Variants in GPC5 observed in about 807,000 individuals in gnomAD.
GPC5 encodes glypican 5, also known as glypican-5.
In GPC5, 47 loss-of-function variants were observed where a neutral mutation model predicts 53.9. The ratio of observed to expected loss-of-function variants is 0.87; its 90% CI spans 0.69 to 1.11. GPC5 has a LOEUF of 1.11. Ranked by LOEUF, GPC5 falls within the 50% of genes most tolerant of loss-of-function variation. The probability of loss-of-function intolerance (pLI) is 0.00; values close to 1 mark genes in which losing one functional copy is unlikely to be tolerated. For synonymous variants in GPC5, 286 were observed against 263.3 expected (o/e 1.09, Z -0.84); for missense variants, 748 against 713.1 (o/e 1.05, Z -0.56).
chr13:92,069,420 G>A (rs1160925602), intron 6 of GPC5, among the ~76,000 whole-genome samples: 1 of 151,414 alleles, frequency 6.6e-6, no homozygotes, highest in Non-Finnish European at 1.5e-5. Flanking sequence ...GTGTGTGTGT[G>A]TGTGTGTGTG....
chr13:92,257,546 ATT>A (rs398023955), intron 7 of GPC5, among the ~76,000 whole-genome samples: 12 of 72,936 alleles, frequency 1.6e-4, no homozygotes, highest in Admixed American at 9.4e-4. Context: ...TAATACAGGG[ATT>A]TTTTTTTTTT....
At position 92,544,168 on chromosome 13, in the gene GPC5, G is replaced by C. The variant is rs1877225301; in HGVS notation, c.1562-322114G>C. Among the ~76,000 whole-genome samples the C allele has an allele frequency of 3.3e-5, 5 of 152,108 alleles. 1 individual carries two copies. The South Asian group carries it at 1.0e-3, about 32-fold the overall frequency. On this transcript the variant is annotated intron_variant, in intron 7 of 7. Coordinates refer to ENST00000377067, the MANE Select transcript of GPC5 (RefSeq NM_004466.6). ...TAACCTCAGTTTTCCATGATGTTGG[G>C]TTCACTTGTAGACTTGCTTAGTATT...
intron 2 of GPC5, among the ~76,000 whole-genome samples, chr13:91,564,218 T>C (rs1566508411): frequency 6.6e-6 from 1 of 152,178 alleles, no homozygotes; most frequent in African/African-American, 2.4e-5. Context: ...GATTTCTTCT[T>C]TTAGGAGAAG....
At chr13:91,835,080 G>T (rs1566294094) in intron 5 of GPC5, among the ~76,000 whole-genome samples, 1 of 152,120 alleles carries the variant, frequency 6.6e-6, no homozygotes, top group Admixed American at 6.6e-5. Context: ...GTGGGTGAAG[G>T]ATATGAACAG....
intron 7 of GPC5, among the ~76,000 whole-genome samples, chr13:92,719,250 T>A (rs1888434119): frequency 6.6e-6 from 1 of 151,478 alleles, no homozygotes; most frequent in Non-Finnish European, 1.5e-5. Flanking sequence ...ATATCTTACA[T>A]CTAGCTTTTA....
intron 7 of GPC5, chr13:92,241,249 A>ACAT (rs1459963917): frequency 6.6e-6 from 1 of 152,192 alleles, no homozygotes; most frequent in Non-Finnish European, 1.5e-5. Context: ...GTAGTTGAAG[A>ACAT]CATAGGCTTT....
intron 6 of GPC5, among the ~76,000 whole-genome samples, chr13:92,034,509 T>C (rs1177933753): frequency 6.6e-6 from 1 of 151,582 alleles, no homozygotes; most frequent in Non-Finnish European, 1.5e-5. Context: ...AAAATAAAAT[T>C]TAAAAAAAGG....
chr13:91,873,182 C>T (rs1234069166), intron 5 of GPC5, among the ~76,000 whole-genome samples: 1 of 152,062 alleles, frequency 6.6e-6, no homozygotes, highest in Admixed American at 6.5e-5. Flanking sequence ...AACATGTCTT[C>T]CAATCTAATC....
intron 7 of GPC5, among the ~76,000 whole-genome samples, chr13:92,236,366 C>A (rs1247984778): frequency 6.6e-6 from 1 of 152,004 alleles, no homozygotes; most frequent in Non-Finnish European, 1.5e-5. Context: ...CATATCATAG[C>A]AAATGATGTA....
intron 6 of GPC5, among the ~76,000 whole-genome samples, chr13:91,947,058 C>T (rs751876948): frequency 6.6e-6 from 1 of 152,104 alleles, no homozygotes; most frequent in Non-Finnish European, 1.5e-5. Flanking sequence ...TTTTAAGGCA[C>T]AAGTGACATT....
intron 1 of GPC5, among the ~76,000 whole-genome samples, chr13:91,416,400 C>T (rs1247826089): frequency 6.6e-6 from 1 of 152,108 alleles, no homozygotes; most frequent in Non-Finnish European, 1.5e-5. Flanking sequence ...AGTCACAATA[C>T]ATATTAGCAT....
At chr13:92,551,151 C>A (rs769767312) in intron 7 of GPC5, among the ~76,000 whole-genome samples, 2 of 151,782 alleles carry the variant, frequency 1.3e-5, no homozygotes, top group Non-Finnish European at 1.5e-5. Context: ...GAGATAATTT[C>A]TTTACATTAT....
intron 6 of GPC5, among the ~76,000 whole-genome samples, chr13:91,962,140 C>T (rs984148218): frequency 6.6e-6 from 1 of 152,032 alleles, no homozygotes; most frequent in Non-Finnish European, 1.5e-5. Flanking sequence ...GCTAGAAGGT[C>T]GTTGGCAATT....
At chr13:92,666,861 C>T (rs1021770662) in intron 7 of GPC5, among the ~76,000 whole-genome samples, 1 of 152,126 alleles carries the variant, frequency 6.6e-6, no homozygotes, top group Non-Finnish European at 1.5e-5. Flanking sequence ...CAAATATTTC[C>T]AAGAGGAGCT....
intron 7 of GPC5, among the ~76,000 whole-genome samples, chr13:92,677,814 G>C (rs1886996747): frequency 6.6e-6 from 1 of 152,142 alleles, no homozygotes; most frequent in Non-Finnish European, 1.5e-5. Context: ...GTTTGCCCAG[G>C]AAATCTGGCA....
chr13:91,994,961 T>TTTTTTTATTTTTTATTTTTTA (rs58393318), intron 6 of GPC5: 14 of 149,890 alleles, frequency 9.3e-5, no homozygotes, highest in African/African-American at 3.6e-4. Context: ...CAAACTTACC[T>TTTTTTTATTTTTTATTTTTTA]TTTTTTATTT....
intron 5 of GPC5, among the ~76,000 whole-genome samples, chr13:91,840,089 G>C (rs2038767756): frequency 6.6e-6 from 1 of 151,902 alleles, no homozygotes; most frequent in South Asian, 2.1e-4. Context: ...CCCTGGCTGT[G>C]AAAGCTCTAT....
chr13:92,506,592 C>G (rs1455669768), intron 7 of GPC5, among the ~76,000 whole-genome samples: 1 of 152,062 alleles, frequency 6.6e-6, no homozygotes, highest in Admixed American at 6.5e-5. Flanking sequence ...TAAAATGCAC[C>G]TCTTACTTCG....
At chr13:91,475,971 G>T (rs940730663) in intron 2 of GPC5, among the ~76,000 whole-genome samples, 2 of 152,172 alleles carry the variant, frequency 1.3e-5, no homozygotes, top group Non-Finnish European at 1.5e-5. Context: ...CTTGTAAGAG[G>T]CTGGAAATAA....
Sources: gnomAD v4.1 joint callset for allele counts (sites outside exome capture counted in the v4.1 genomes callset) on GRCh38, gnomAD v4.1.1 for gene constraint, MANE v1.5 for transcripts, NCBI Gene and HGNC (gene_info 2026-07-23, HGNC 2026-07-21) for gene names.